Variants in UBR1 observed in about 807,000 individuals in gnomAD.
The protein encoded by UBR1 is E3 ubiquitin-protein ligase UBR1.
In UBR1, 102 loss-of-function variants were observed where a neutral mutation model predicts 242.1. That is an observed-to-expected ratio of 0.42 (90% CI 0.36 to 0.50). UBR1 has a LOEUF of 0.50. Among genes scored for constraint, UBR1 ranks in the 20% least tolerant of loss-of-function variants. The pLI, the probability that UBR1 is intolerant of heterozygous loss-of-function variation, is 0.01. For missense variants in UBR1, 1,772 were observed against 2,101.8 expected (o/e 0.84, Z 3.07); for synonymous variants, 675 against 684.8 (o/e 0.99, Z 0.22).
At chr15:42,968,268 G>C (rs1226804767) in intron 40 of UBR1, among the ~76,000 whole-genome samples, 1 of 151,972 alleles carries the variant, frequency 6.6e-6, no homozygotes, top group Non-Finnish European at 1.5e-5. Context: ...GAAACAAGTG[G>C]GTAGCTGTTA....
intron 42 of UBR1, among the ~76,000 whole-genome samples, chr15:42,961,544 T>G (rs2032019991): frequency 6.6e-6 from 1 of 150,640 alleles, no homozygotes; most frequent in Non-Finnish European, 1.5e-5. Context: ...ATGCCTCAGC[T>G]CCCGAGCAGC....
chr15:42,979,679 T>C (rs539064120), intron 37 of UBR1, among the ~76,000 whole-genome samples: 8 of 152,244 alleles, frequency 5.3e-5, no homozygotes, highest in Non-Finnish European at 7.4e-5. Context: ...GCCTCCCAAG[T>C]AGCTGAAATT....
intron 3 of UBR1, among the ~76,000 whole-genome samples, chr15:43,076,204 GC>G (rs1471918557): frequency 6.6e-6 from 1 of 151,006 alleles, no homozygotes; most frequent in African/African-American, 2.4e-5. Flanking sequence ...CCAGTCTCCA[GC>G]CCCTAACCGC....
intron 25 of UBR1, among the ~76,000 whole-genome samples, chr15:43,023,713 A>T (rs2033141923): frequency 6.6e-6 from 1 of 152,058 alleles, no homozygotes; most frequent in East Asian, 1.9e-4. Context: ...GGTGTTTAGT[A>T]AAATATAGAG....
intron 32 of UBR1, among the ~76,000 whole-genome samples, chr15:43,000,765 C>T (rs1035228958): frequency 6.6e-6 from 1 of 152,142 alleles, no homozygotes; most frequent in Non-Finnish European, 1.5e-5. Context: ...TTACCACATA[C>T]GTTGAAGAAG....
intron 3 of UBR1, among the ~76,000 whole-genome samples, chr15:43,079,484 A>G (rs936194554): frequency 6.6e-6 from 1 of 152,164 alleles, no homozygotes; most frequent in Admixed American, 6.5e-5. Context: ...TTTAAAGATA[A>G]AAGTCCTGAG....
Position 42,952,501 on chromosome 15 carries a change from A to C in UBR1, c.4836-53T>G, listed in dbSNP as rs2277532. On this transcript the variant is annotated intron_variant, in intron 44 of 46. Transcript: ENST00000290650. ...ATGATGGAAAAACAAAACAAAACAA[A>C]TAAGTACCATATATCCTGTTAGCAA... 3.8e-6 allele frequency: 6 copies of C among 1,593,440 alleles called. No homozygotes were observed. The African/African-American group carries it at 8.1e-5, about 21-fold the overall frequency.
chr15:43,061,264 G>A (rs959386447), intron 6 of UBR1, among the ~76,000 whole-genome samples: 2 of 152,168 alleles, frequency 1.3e-5, no homozygotes, highest in African/African-American at 2.4e-5. Flanking sequence ...GCTCCAGAAC[G>A]ACTGTAAGAA....
intron 40 of UBR1, 83 bp from the exon 41 acceptor site, chr15:42,966,369 C>A (rs2032106230): frequency 6.5e-7 from 1 of 1,527,616 alleles, no homozygotes; most frequent in South Asian, 1.1e-5. Context: ...TTTTCAAATA[C>A]AAAGTTAAAC....
intron 10 of UBR1, among the ~76,000 whole-genome samples, chr15:43,057,307 G>A (rs972320023): frequency 1.7e-4 from 26 of 152,146 alleles, no homozygotes; most frequent in African/African-American, 6.3e-4. Context: ...AGGTAATGCA[G>A]GTATCTTATC....
At chr15:42,952,573 A>T in intron 44 of UBR1, 125 bp from the exon 45 acceptor site, 2 of 1,075,386 alleles carry the variant, frequency 1.9e-6, no homozygotes, top group South Asian at 2.7e-5. Flanking sequence ...GGAAGCTCTT[A>T]AAACACAAGG....
intron 36 of UBR1, 86 bp from the exon 37 acceptor site, chr15:42,984,079 T>G (rs2032424238): frequency 1.0e-6 from 1 of 991,696 alleles, no homozygotes; most frequent in Admixed American, 2.2e-5. Context: ...AAAAACCAAC[T>G]CTAGTTTGTC....
intron 36 of UBR1, 26 bp downstream of exon 36, chr15:42,984,861 C>G (rs779535560): frequency 6.3e-7 from 1 of 1,598,192 alleles, no homozygotes; most frequent in African/African-American, 1.3e-5. Context: ...CCATGAGTTA[C>G]ATGTACCTTG....
In UBR1 at chr15:43,067,908, ATGG is replaced by A; in HGVS notation, c.785_787del (p.Ala262_Ile263delinsVal). The stretch of plus-strand genomic sequence containing the variant: ...AAGGAGACCACAAACCTCTTTGTCA[ATGG>A]CAGTGGTATGCAACTGGGCCTCTGC... On this transcript the variant is annotated inframe_deletion, in exon 6 of 47. Transcript: ENST00000290650. The A allele has an allele frequency of 6.2e-7, 1 of 1,614,030 alleles. No individual in the cohort carries two copies. Among genetic ancestry groups the A allele is most frequent in the Non-Finnish European group, 8.5e-7 (1 of 1,179,990 alleles).
At chr15:43,073,150 C>CA (rs1437729614) in intron 4 of UBR1, among the ~76,000 whole-genome samples, 3 of 150,788 alleles carry the variant, frequency 2.0e-5, no homozygotes, top group Non-Finnish European at 4.4e-5. Flanking sequence ...GACTCTGTCT[C>CA]AAAAAAACAA....
intron 37 of UBR1, among the ~76,000 whole-genome samples, chr15:42,981,968 C>G (rs938927076): frequency 6.6e-5 from 10 of 152,142 alleles, no homozygotes; most frequent in African/African-American, 2.4e-4. Context: ...ACATAAATTC[C>G]TCCAGTATTG....
chr15:43,043,926 GA>G (rs1244344441), intron 14 of UBR1, among the ~76,000 whole-genome samples: 1 of 152,094 alleles, frequency 6.6e-6, no homozygotes, highest in Non-Finnish European at 1.5e-5. Flanking sequence ...ATTGCTCTAA[GA>G]GGGGGGAAAA....
At chr15:43,001,631 A>G (rs1352639010) in intron 32 of UBR1, among the ~76,000 whole-genome samples, 4 of 152,222 alleles carry the variant, frequency 2.6e-5, no homozygotes, top group Non-Finnish European at 1.5e-5. Flanking sequence ...ATCATCATGT[A>G]CAACAGTGAG....
chr15:43,041,346 A>G (rs893345842), intron 15 of UBR1, among the ~76,000 whole-genome samples: 7 of 152,278 alleles, frequency 4.6e-5, no homozygotes, highest in Non-Finnish European at 8.8e-5. Flanking sequence ...CACAGGGACA[A>G]AAAACCAAAC....
Sources: allele counts gnomAD v4.1 joint callset (sites outside exome capture counted in the v4.1 genomes callset), GRCh38; gene constraint gnomAD v4.1.1; transcripts MANE v1.5; gene names NCBI Gene and HGNC (gene_info 2026-07-23, HGNC 2026-07-21).